FGF16: variants seen among roughly 807,000 people sequenced by gnomAD.
FGF16 encodes metacarpal 4-5 fusion.
Under a neutral mutation model 8.5 loss-of-function variants are expected in FGF16, and 2 were observed. The observed-to-expected ratio is 0.24, with a 90% confidence interval of 0.10 to 0.75. The LOEUF is 0.75. Ranked by LOEUF, FGF16 falls within the 30% of genes least tolerant of loss-of-function variation. FGF16 has a pLI of 0.74. For missense variants in FGF16, 79 were observed against 87.4 expected, an observed-to-expected ratio of 0.90 and a Z score of 0.38; for synonymous variants, 33 against 34.6, an observed-to-expected ratio of 0.95 and a Z score of 0.16.
Position 77,456,259 on chromosome X carries a change from AT to A in FGF16, c.379-14del, listed in dbSNP as rs781919896. ...ATAGTCATATAATGGGTTCTGCTTT[AT>A]TTTCTCACCCTCACAGAAGAAACTC... On this transcript the variant is annotated splice_polypyrimidine_tract_variant and intron_variant, in intron 2 of 2. Coordinates refer to ENST00000439435, the MANE Select transcript of FGF16 (RefSeq NM_003868.3). The A allele has an allele frequency of 8.4e-5, 101 of 1,206,248 alleles. No homozygotes were observed. The African/African-American group carries it at 1.6e-3, about 19-fold the overall frequency.
At chrX:77,456,053 T>G (rs1360854949) in intron 2 of FGF16, among the ~76,000 whole-genome samples, 2 of 112,252 alleles carry the variant, frequency 1.8e-5, no homozygotes, top group African/African-American at 6.5e-5. Flanking sequence ...AGGAAAGATT[T>G]CAACTAAAAC....
intron 1 of FGF16, among the ~76,000 whole-genome samples, chrX:77,452,178 T>A (rs1057335688): frequency 1.8e-5 from 2 of 112,174 alleles, no homozygotes; most frequent in East Asian, 2.8e-4. Flanking sequence ...AGCCACTCCA[T>A]TTTTCCATCC....
Position 77,456,604 on chromosome X carries a change from A to G in FGF16, c.*82A>G. The G allele has an allele frequency of 2.2e-6, 2 of 911,210 alleles. No homozygotes were observed. The highest frequency in any genetic ancestry group is 3.1e-5 in the East Asian group (1 of 32,172). 75.1% of individuals were successfully genotyped at this position (911,210 alleles called of 1,213,427 possible). A position where few individuals can be genotyped will look rare whatever the true frequency, so the allele number is the denominator to read the frequency against. ...CAAGCACTATATTCATAGCTTTTCAATCCTTCCTTCCTATCATTTTAGATA... is the reference window on the plus strand; with the variant it reads ...CAAGCACTATATTCATAGCTTTTCAGTCCTTCCTTCCTATCATTTTAGATA... On this transcript the variant is annotated 3_prime_UTR_variant, in exon 3 of 3. Transcript: ENST00000439435.
intron 1 of FGF16, among the ~76,000 whole-genome samples, chrX:77,449,914 T>C (rs1166062480): frequency 1.8e-5 from 2 of 112,313 alleles, no homozygotes; most frequent in African/African-American, 6.5e-5. Context: ...CTTTTCCTCC[T>C]TCCCTGACTT....
rs782034788 is a variant in FGF16 at position 77,454,272 on chromosome X, GTT to G, written c.378+41_378+42del. 0.033 allele frequency: 4,691 copies of G among 142,800 alleles called. No homozygotes were observed. The highest frequency in any genetic ancestry group is 0.04 in the Non-Finnish European group (3,282 of 83,045). 11.8% of individuals were successfully genotyped at this position (142,800 alleles called of 1,213,427 possible). On this transcript the variant is annotated intron_variant, in intron 2 of 2. Coordinates refer to ENST00000439435, the MANE Select transcript of FGF16 (RefSeq NM_003868.3). ...AACTCTATGGGTCGGTAAGTTTAAG[GTT>G]TTTTTTTTTTTTTTTTTTTTTTTTT... is the stretch of plus-strand genomic sequence containing the variant.
At chrX:77,455,612 C>A (rs1001078627) in intron 2 of FGF16, among the ~76,000 whole-genome samples, 24 of 111,585 alleles carry the variant, frequency 2.2e-4, no homozygotes, top group African/African-American at 7.8e-4. Context: ...CCCATGAAAT[C>A]AGAACACATT....
chrX:77,451,716 A>G (rs1299781154), intron 1 of FGF16, among the ~76,000 whole-genome samples: 2 of 111,458 alleles, frequency 1.8e-5, no homozygotes, highest in Non-Finnish European at 3.8e-5. Context: ...TTAATTTTAC[A>G]TGACCAATTG....
At position 77,456,889 on chromosome X, in the gene FGF16, C is replaced by T; in HGVS notation, c.*367C>T. 1 of 134,251 alleles carries T rather than the reference C, an allele frequency of 7.4e-6. No homozygotes were observed. The highest frequency in any genetic ancestry group is 1.5e-5 in the Non-Finnish European group (1 of 66,986). The allele number at this position is 134,251 out of a possible 1,213,427, so 11.1% of individuals were successfully genotyped here. Reference sequence around the variant, plus strand: ...TATAAATGAAAGGCCAAGGAATCTGCCACAGATGCTACCTACAGAGCTTTG... The same window carrying T: ...TATAAATGAAAGGCCAAGGAATCTGTCACAGATGCTACCTACAGAGCTTTG... On this transcript the variant is annotated 3_prime_UTR_variant, in exon 3 of 3. Coordinates refer to ENST00000439435, the MANE Select transcript of FGF16 (RefSeq NM_003868.3).
At position 77,454,215 on chromosome X, in the gene FGF16, T is replaced by C; in HGVS notation, c.333T>C (p.Ser111=). The change falls in exon 2 of 3, where the codon TCT becomes TCC. Residue 111 remains serine (S), a synonymous_variant. Transcript: ENST00000439435. ...TGATCAGCATCCGGGGAGTGGACTC[T>C]GGCCTGTACCTAGGAATGAATGAGC... The part of the protein sequence containing the change: ...VGLISIRGVD[S]GLYLGMNERG... 1 of 1,109,932 alleles carries C rather than the reference T, an allele frequency of 9.0e-7. No homozygotes were observed. The highest frequency in any genetic ancestry group is 1.2e-6 in the Non-Finnish European group (1 of 832,141). The allele number at this position is 1,109,932 out of a possible 1,213,427, so 91.5% of individuals were successfully genotyped here.
At position 77,456,536 on chromosome X, in the gene FGF16, T is replaced by C; in HGVS notation, c.*14T>C. On this transcript the variant is annotated 3_prime_UTR_variant, in exon 3 of 3. Coordinates refer to ENST00000439435, the MANE Select transcript of FGF16 (RefSeq NM_003868.3). ...CACTATAGGTAATGAACCTCTGGTG[T>C]GCCCTCTGTGACCCATGTACCCTGG... 2 of 1,206,460 alleles carry C rather than the reference T, an allele frequency of 1.7e-6. No individual in the cohort carries two copies. Among genetic ancestry groups the C allele is most frequent in the Non-Finnish European group, 2.2e-6 (2 of 891,447 alleles).
Position 77,447,641 on chromosome X carries a change from G to A in FGF16, c.-34G>A, listed in dbSNP as rs1483826515. ...CGTGGCCCCGGCTCGGCCCGCGCGC[G>A]CCCAGCACAACCAGCGCCGCAATCG... On this transcript the variant is annotated 5_prime_UTR_variant, in exon 1 of 3. Transcript: ENST00000439435. The A allele has an allele frequency of 1.4e-5, 4 of 295,926 alleles. No homozygotes were observed. Among genetic ancestry groups the A allele is most frequent in the African/African-American group, 2.7e-5 (1 of 36,622 alleles). 24.4% of individuals were successfully genotyped at this position (295,926 alleles called of 1,213,427 possible). A position where few individuals can be genotyped will look rare whatever the true frequency, so the allele number is the denominator to read the frequency against.
At chrX:77,454,010 G>T in intron 1 of FGF16, 147 bp from the exon 2 acceptor site, 1 of 476,527 alleles carries the variant, frequency 2.1e-6, no homozygotes, top group East Asian at 3.9e-5. Context: ...CATTCTTGCC[G>T]CAAAAGATGG....
rs1478286328 is a variant in FGF16 at position 77,454,241 on chromosome X, G to T, written c.359G>T (p.Arg120Leu). Residue 120 changes from arginine to leucine, a missense_variant, in exon 2 of 3, where the codon CGA becomes CTA. Physicochemically the swap from Arg to Leu is moderately radical, Grantham distance 102 (BLOSUM62 -2). Transcript: ENST00000439435. ...GGCCTGTACCTAGGAATGAATGAGC[G>T]AGGAGAACTCTATGGGTCGGTAAGT... Reference protein sequence around the residue: ...DSGLYLGMNERGELYGSKKLT... With the variant: ...DSGLYLGMNELGELYGSKKLT... The T allele has an allele frequency of 2.0e-6, 2 of 1,012,359 alleles. No individual in the cohort carries two copies. The highest frequency in any genetic ancestry group is 2.7e-6 in the Non-Finnish European group (2 of 733,407). 83.4% of individuals were successfully genotyped at this position (1,012,359 alleles called of 1,213,427 possible). A position where few individuals can be genotyped will look rare whatever the true frequency, so the allele number is the denominator to read the frequency against.
Position 77,456,592 on chromosome X carries a change from C to T in FGF16, c.*70C>T. The T allele has an allele frequency of 1.0e-6, 1 of 978,095 alleles. No individual in the cohort carries two copies. The highest frequency in any genetic ancestry group is 1.4e-6 in the Non-Finnish European group (1 of 705,488). 80.6% of individuals were successfully genotyped at this position (978,095 alleles called of 1,213,427 possible). ...CGGTTGTCTCTGCAAGCACTATATT[C>T]ATAGCTTTTCAATCCTTCCTTCCTA... is the stretch of plus-strand genomic sequence containing the variant. On this transcript the variant is annotated 3_prime_UTR_variant, in exon 3 of 3. Transcript: ENST00000439435.
rs782017407 is a variant in FGF16, at chrX:77,456,568, G to A, written c.*46G>A. On this transcript the variant is annotated 3_prime_UTR_variant, in exon 3 of 3. Transcript: ENST00000439435. ...TGTGACCCATGTACCCTGGGGCCACGGTTGTCTCTGCAAGCACTATATTCA... is the reference window on the plus strand; with the variant it reads ...TGTGACCCATGTACCCTGGGGCCACAGTTGTCTCTGCAAGCACTATATTCA... 8 of 1,136,450 alleles carry A rather than the reference G, an allele frequency of 7.0e-6. No homozygotes were observed. The highest frequency in any genetic ancestry group is 3.0e-5 in the East Asian group (1 of 33,341). The allele number at this position is 1,136,450 out of a possible 1,213,427, so 93.7% of individuals were successfully genotyped here.
rs1557027166 is a variant in FGF16, at chrX:77,456,727, G to C, written c.*205G>C. On this transcript the variant is annotated 3_prime_UTR_variant, in exon 3 of 3. Coordinates refer to ENST00000439435, the MANE Select transcript of FGF16 (RefSeq NM_003868.3). ...TATTTTGGGGAGGGATGGGGGGCTG[G>C]GCTCGAGGGAATCTTGTATATACTT... is the stretch of plus-strand genomic sequence containing the variant. The C allele has an allele frequency of 2.6e-6, 1 of 382,912 alleles. No individual in the cohort carries two copies. The highest frequency in any genetic ancestry group is 2.6e-5 in the African/African-American group (1 of 39,124). The allele number at this position is 382,912 out of a possible 1,213,427, so 31.6% of individuals were successfully genotyped here.
At chrX:77,454,753 A>G (rs1333119022) in intron 2 of FGF16, among the ~76,000 whole-genome samples, 1 of 104,844 alleles carries the variant, frequency 9.5e-6, no homozygotes, top group East Asian at 3.0e-4. Context: ...GTCTTGCTAC[A>G]TAACACCTTC....
chrX:77,453,289 C>T (rs1172275451), intron 1 of FGF16, among the ~76,000 whole-genome samples: 2 of 111,532 alleles, frequency 1.8e-5, no homozygotes, highest in African/African-American at 6.5e-5. Flanking sequence ...AAATTGTAGT[C>T]TTCAGTACCA....
At chrX:77,456,193 C>G in intron 2 of FGF16, 84 bp from the exon 3 acceptor site, 3 of 909,291 alleles carry the variant, frequency 3.3e-6, no homozygotes, top group Non-Finnish European at 4.7e-6. Context: ...TGTGCTATTG[C>G]TATTTCAGGG....
Sources: gnomAD v4.1 joint callset for allele counts (sites outside exome capture counted in the v4.1 genomes callset) on GRCh38, gnomAD v4.1.1 for gene constraint, MANE v1.5 for transcripts, NCBI Gene and HGNC (gene_info 2026-07-23, HGNC 2026-07-21) for gene names.